CNTN4: variants seen among roughly 807,000 people sequenced by gnomAD.
The protein encoded by CNTN4 is contactin 4.
In CNTN4, 77 loss-of-function variants were observed where a neutral mutation model predicts 122.5. That is an observed-to-expected ratio of 0.63 (90% confidence interval 0.52 to 0.76). CNTN4 has a LOEUF of 0.76. Ranked by LOEUF, CNTN4 falls within the 30% of genes least tolerant of loss-of-function variation. The pLI, the probability that CNTN4 is intolerant of heterozygous loss-of-function variation, is 0.00. For synonymous variants in CNTN4, 512 were observed against 447.0 expected (o/e 1.15, Z -1.83); for missense variants, 1,256 against 1,259.1 (o/e 1.00, Z 0.04).
chr3:3,014,827 C>G (rs2125539444), intron 14 of CNTN4, among the ~76,000 whole-genome samples: 1 of 150,194 alleles, frequency 6.7e-6, no homozygotes, highest in East Asian at 2.0e-4. Context: ...GTAAACATCT[C>G]TCTGAAAATA....
intron 7 of CNTN4, among the ~76,000 whole-genome samples, chr3:2,853,825 C>A (rs2093586489): frequency 6.6e-6 from 1 of 152,170 alleles, no homozygotes; most frequent in Non-Finnish European, 1.5e-5. Flanking sequence ...TCATGTGATC[C>A]TCACTGAACC....
chr3:2,803,007 A>G (rs72995327), intron 6 of CNTN4, among the ~76,000 whole-genome samples: 7,741 of 152,314 alleles, frequency 0.051, 276 homozygotes, highest in Non-Finnish European at 0.077. Context: ...AGAGAGTGAA[A>G]AAGACAGAGA....
chr3:2,688,902 A>C (rs1352159957), intron 4 of CNTN4, among the ~76,000 whole-genome samples: 1 of 152,134 alleles, frequency 6.6e-6, no homozygotes, highest in African/African-American at 2.4e-5. Flanking sequence ...ACAATCTAGG[A>C]ACCATTAAGC....
chr3:2,485,028 G>A (rs2076111355), intron 3 of CNTN4, among the ~76,000 whole-genome samples: 1 of 152,234 alleles, frequency 6.6e-6, no homozygotes, highest in African/African-American at 2.4e-5. Flanking sequence ...ACTGGCCCCG[G>A]GCAGTGAGTG....
rs187533193 is a variant in CNTN4 at position 2,731,059 on chromosome 3, G to A, written c.56-5156G>A. 3.2e-4 allele frequency among the ~76,000 whole-genome samples: 48 copies of A among 151,430 alleles called. No individual in the cohort carries two copies. In the East Asian group the frequency reaches 8.1e-3, roughly 26 times the overall value. On this transcript the variant is annotated intron_variant, in intron 4 of 24. Transcript: ENST00000418658. ...AAAATATTTTGTTTCCATTACAGAT[G>A]TGGTCATTTTTATTCTGTAACCTAG...
chr3:2,800,839 C>G (rs2092329947), intron 6 of CNTN4, among the ~76,000 whole-genome samples: 1 of 152,152 alleles, frequency 6.6e-6, no homozygotes. Context: ...TTTAAGAGCC[C>G]TTTCTTCTAC....
intron 7 of CNTN4, among the ~76,000 whole-genome samples, chr3:2,833,268 G>A (rs2093142099): frequency 6.6e-6 from 1 of 152,196 alleles, no homozygotes; most frequent in South Asian, 2.1e-4. Context: ...GCAATGATGA[G>A]AAATGGAAAT....
At chr3:2,427,339 C>T (rs924527068) in intron 3 of CNTN4, among the ~76,000 whole-genome samples, 5 of 152,198 alleles carry the variant, frequency 3.3e-5, no homozygotes, top group Non-Finnish European at 7.3e-5. Context: ...ACCCAGTAGT[C>T]ATTCAGGAGC....
At chr3:2,610,243 A>G (rs2081423744) in intron 4 of CNTN4, among the ~76,000 whole-genome samples, 1 of 152,214 alleles carries the variant, frequency 6.6e-6, no homozygotes, top group African/African-American at 2.4e-5. Flanking sequence ...TCTTGAAATT[A>G]TTATAATCTC....
intron 6 of CNTN4, among the ~76,000 whole-genome samples, chr3:2,812,598 T>C (rs1307731609): frequency 6.6e-6 from 1 of 152,082 alleles, no homozygotes; most frequent in African/African-American, 2.4e-5. Context: ...GCCACAGTAG[T>C]GTTGACTTGG....
intron 2 of CNTN4, among the ~76,000 whole-genome samples, chr3:2,275,740 T>G (rs536940961): frequency 6.6e-6 from 1 of 151,866 alleles, no homozygotes; most frequent in East Asian, 1.9e-4. Flanking sequence ...GCCAACATGA[T>G]GAAACCCCGT....
intron 14 of CNTN4, among the ~76,000 whole-genome samples, chr3:2,990,845 A>C (rs899331938): frequency 3.3e-5 from 5 of 152,230 alleles, no homozygotes; most frequent in African/African-American, 1.2e-4. Context: ...AAGTAAGTAT[A>C]GGATATAGTT....
In CNTN4 at chr3:2,641,498, A is replaced by G. The variant is rs553305048; in HGVS notation, c.55+69940A>G. Reference sequence around the variant, plus strand: ...TTATAAGTCAACTAAATGCAAATAAATTCTCCAGTGGAGAATGACAAGTTC... The same window carrying G: ...TTATAAGTCAACTAAATGCAAATAAGTTCTCCAGTGGAGAATGACAAGTTC... On this transcript the variant is annotated intron_variant, in intron 4 of 24. Coordinates refer to ENST00000418658, the MANE Select transcript of CNTN4 (RefSeq NM_175607.3). Among the ~76,000 whole-genome samples the G allele has an allele frequency of 9.8e-5, 15 of 152,298 alleles. No individual in the cohort carries two copies. The East Asian group carries it at 2.3e-3, about 24-fold the overall frequency.
chr3:2,971,163 T>C (rs1312005677), intron 13 of CNTN4, among the ~76,000 whole-genome samples: 1 of 152,206 alleles, frequency 6.6e-6, no homozygotes. Flanking sequence ...TATTGACTGT[T>C]TATTAAGTGG....
intron 2 of CNTN4, among the ~76,000 whole-genome samples, chr3:2,195,016 A>G (rs540513867): frequency 6.6e-6 from 1 of 152,014 alleles, no homozygotes; most frequent in Non-Finnish European, 1.5e-5. Flanking sequence ...CTCAAAACCT[A>G]TTCTTCCTCC....
chr3:2,331,561 C>A (rs1253821951), intron 2 of CNTN4, among the ~76,000 whole-genome samples: 1 of 152,074 alleles, frequency 6.6e-6, no homozygotes, highest in Non-Finnish European at 1.5e-5. Context: ...ATTTTTGGCT[C>A]TGTAGGGTAA....
At chr3:2,231,921 A>C (rs1251848427) in intron 2 of CNTN4, among the ~76,000 whole-genome samples, 3 of 152,160 alleles carry the variant, frequency 2.0e-5, no homozygotes, top group African/African-American at 7.2e-5. Context: ...AATACAACAC[A>C]TTCCTATGAA....
At chr3:2,853,276 A>G (rs774947472) in intron 7 of CNTN4, among the ~76,000 whole-genome samples, 10 of 151,848 alleles carry the variant, frequency 6.6e-5, no homozygotes, top group South Asian at 2.1e-4. Flanking sequence ...ACGGAGTCTC[A>G]CTCTGTCGCC....
chr3:2,822,461 C>G (rs914897807), intron 7 of CNTN4, among the ~76,000 whole-genome samples: 1 of 152,090 alleles, frequency 6.6e-6, no homozygotes, highest in Non-Finnish European at 1.5e-5. Context: ...TATGAGAAAA[C>G]CACTTCACTG....
Sources: gnomAD v4.1 joint callset for allele counts (sites outside exome capture counted in the v4.1 genomes callset) on GRCh38, gnomAD v4.1.1 for gene constraint, MANE v1.5 for transcripts, NCBI Gene and HGNC (gene_info 2026-07-23, HGNC 2026-07-21) for gene names.